Variants in EYA2 observed in about 807,000 individuals in gnomAD.
EYA2 encodes the protein protein phosphatase EYA2.
Under a neutral mutation model 69.2 loss-of-function variants are expected in EYA2, and 31 were observed. The ratio of observed to expected loss-of-function variants is 0.45; its 90% CI spans 0.34 to 0.60. The LOEUF is 0.60. EYA2 is among the 20% of genes least tolerant of loss of function. The pLI is 0.02. For synonymous variants in EYA2, 257 were observed against 279.4 expected, an observed-to-expected ratio of 0.92 and a Z score of 0.80; for missense variants, 622 against 701.2, an observed-to-expected ratio of 0.89 and a Z score of 1.28.
chr20:46,988,087 A>T (rs1438983489), intron 1 of EYA2, among the ~76,000 whole-genome samples: 1 of 149,256 alleles, frequency 6.7e-6, no homozygotes, highest in African/African-American at 2.5e-5. Flanking sequence ...ATTGCGTTGG[A>T]CATTATAAGT....
intron 1 of EYA2, among the ~76,000 whole-genome samples, chr20:46,940,301 G>T (rs114120393): frequency 6.6e-6 from 1 of 152,136 alleles, no homozygotes; most frequent in Non-Finnish European, 1.5e-5. Context: ...TCACATAATA[G>T]TTGAGGTCCT....
At chr20:47,076,990 G>C (rs2031539748) in intron 7 of EYA2, among the ~76,000 whole-genome samples, 1 of 152,168 alleles carries the variant, frequency 6.6e-6, no homozygotes, top group South Asian at 2.1e-4. Flanking sequence ...TGTGGTCAGT[G>C]GAATGGAATG....
rs943678117 is a variant in EYA2, at chr20:47,161,759, T to G, written c.979-7380T>G. On this transcript the variant is annotated intron_variant, in intron 10 of 15. Transcript: ENST00000327619. ...AAGAAGCTTCCCCTCTCTTGACCCA[T>G]CATTGTCTGATGCGGTGCCGGGCCC... is the stretch of plus-strand genomic sequence containing the variant. 6 of 179,474 alleles carry G rather than the reference T, an allele frequency of 3.3e-5. No individual in the cohort carries two copies. The South Asian group carries it at 7.1e-4, about 21-fold the overall frequency. The allele number at this position is 179,474 out of a possible 1,614,324, so 11.1% of individuals were successfully genotyped here.
chr20:47,145,721 A>C (rs1333056648), intron 10 of EYA2, among the ~76,000 whole-genome samples: 3 of 152,028 alleles, frequency 2.0e-5, no homozygotes, highest in African/African-American at 7.3e-5. Context: ...CAACATGATG[A>C]AACCCTGTCT....
At chr20:46,962,881 C>T (rs1979557145) in intron 1 of EYA2, among the ~76,000 whole-genome samples, 1 of 152,248 alleles carries the variant, frequency 6.6e-6, no homozygotes, top group African/African-American at 2.4e-5. Context: ...GGCCTTCTCT[C>T]ACCACCAGAG....
At chr20:46,900,932 G>A (rs2236519) in intron 1 of EYA2, among the ~76,000 whole-genome samples, 45,997 of 152,128 alleles carry the variant, frequency 0.3, 8,179 homozygotes, top group South Asian at 0.45. Context: ...TAGGTCATGC[G>A]CTTGAAGTGC....
At chr20:47,021,845 A>T (rs951952986) in intron 5 of EYA2, among the ~76,000 whole-genome samples, 5 of 152,076 alleles carry the variant, frequency 3.3e-5, no homozygotes, top group Admixed American at 2.6e-4. Flanking sequence ...GAGACCTCCG[A>T]GACTGGATTG....
intron 12 of EYA2, among the ~76,000 whole-genome samples, chr20:47,174,397 A>G (rs945258183): frequency 6.6e-6 from 1 of 152,200 alleles, no homozygotes; most frequent in Non-Finnish European, 1.5e-5. Flanking sequence ...TCCCTGGATT[A>G]TTGAGAGATT....
intron 5 of EYA2, among the ~76,000 whole-genome samples, chr20:47,050,436 C>G (rs774058399): frequency 2.6e-5 from 4 of 152,162 alleles, no homozygotes; most frequent in Non-Finnish European, 5.9e-5. Flanking sequence ...AAAACACCCA[C>G]TAGTGATGGC....
At chr20:47,165,503 TAGGA>T (rs1324683497) in intron 10 of EYA2, among the ~76,000 whole-genome samples, 1 of 152,118 alleles carries the variant, frequency 6.6e-6, no homozygotes, top group African/African-American at 2.4e-5. Context: ...AGCTGACCCC[TAGGA>T]AGCCACCTGG....
At chr20:47,096,236 A>G (rs977994428) in intron 8 of EYA2, among the ~76,000 whole-genome samples, 2 of 152,230 alleles carry the variant, frequency 1.3e-5, no homozygotes, top group African/African-American at 2.4e-5. Flanking sequence ...AGAGAAGACA[A>G]TGCAATCTTA....
intron 5 of EYA2, among the ~76,000 whole-genome samples, chr20:47,027,358 C>T (rs947431175): frequency 5.9e-5 from 9 of 152,126 alleles, no homozygotes; most frequent in African/African-American, 9.7e-5. Flanking sequence ...GGACTGAGGC[C>T]GAGTTCCCTA....
intron 14 of EYA2, among the ~76,000 whole-genome samples, chr20:47,182,673 C>T (rs112483916): frequency 0.041 from 5,866 of 142,254 alleles, 424 homozygotes; most frequent in African/African-American, 0.15. Context: ...CAGTGGCTCA[C>T]GCCTGTAATC....
intron 4 of EYA2, among the ~76,000 whole-genome samples, chr20:47,005,550 C>G (rs1982652807): frequency 6.6e-6 from 1 of 152,228 alleles, no homozygotes. Context: ...CCAGAAGTTC[C>G]AACAGAATCC....
intron 1 of EYA2, among the ~76,000 whole-genome samples, chr20:46,911,361 A>G (rs1984635094): frequency 6.6e-6 from 1 of 152,168 alleles, no homozygotes; most frequent in Non-Finnish European, 1.5e-5. Context: ...GCTCACCACC[A>G]GGTTGGTACA....
chr20:47,080,335 A>G (rs1370461672), intron 7 of EYA2, among the ~76,000 whole-genome samples: 1 of 151,792 alleles, frequency 6.6e-6, no homozygotes, highest in Non-Finnish European at 1.5e-5. Context: ...AATGTCATTA[A>G]AGCAGTACTT....
chr20:46,984,051 T>C (rs1367865855), intron 1 of EYA2, among the ~76,000 whole-genome samples: 1 of 152,204 alleles, frequency 6.6e-6, no homozygotes, highest in Admixed American at 6.5e-5. Context: ...GAAAAATGGC[T>C]TATTTTTGTT....
intron 5 of EYA2, among the ~76,000 whole-genome samples, chr20:47,038,000 GA>G (rs1984817190): frequency 1.3e-5 from 2 of 152,144 alleles, no homozygotes; most frequent in Admixed American, 1.3e-4. Context: ...GCAGAATTAG[GA>G]TTTACAGCAG....
At chr20:47,124,229 G>C (rs958853796) in intron 9 of EYA2, among the ~76,000 whole-genome samples, 1 of 152,118 alleles carries the variant, frequency 6.6e-6, no homozygotes. Flanking sequence ...GAGGACTGGT[G>C]GTAAAGGGTT....
Sources: gnomAD v4.1 joint callset for allele counts (sites outside exome capture counted in the v4.1 genomes callset) on GRCh38, gnomAD v4.1.1 for gene constraint, MANE v1.5 for transcripts, NCBI Gene and HGNC (gene_info 2026-07-23, HGNC 2026-07-21) for gene names.